The following SYNE2 variants were observed in gnomAD, a reference collection of about 807,000 sequenced individuals.
The protein encoded by SYNE2 is spectrin repeat containing nuclear envelope protein 2, also known as nesprin-2.
SYNE2 carries 431 observed loss-of-function variants against 856.3 expected under a neutral mutation model. The ratio of observed to expected loss-of-function variants is 0.50; its 90% CI spans 0.47 to 0.55. The LOEUF (loss-of-function observed/expected upper bound fraction) is 0.55, where lower values mean the gene tolerates loss of function less well. Ranked by LOEUF, SYNE2 falls within the 20% of genes least tolerant of loss-of-function variation. The pLI is 0.00. For missense variants in SYNE2, 8,129 were observed against 8,023.2 expected, an observed-to-expected ratio of 1.01 and a Z score of -0.50; for synonymous variants, 2,923 against 2,872.3, an observed-to-expected ratio of 1.02 and a Z score of -0.56.
At chr14:63,885,844 G>A (rs567182673) in intron 1 of SYNE2, among the ~76,000 whole-genome samples, 10 of 152,344 alleles carry the variant, frequency 6.6e-5, no homozygotes, top group Middle Eastern at 6.8e-3. Context: ...CTGTGTGCCA[G>A]GTTTTCGGTT....
Position 64,034,889 on chromosome 14 carries a change from G to A in SYNE2, c.7221+3532G>A, listed in dbSNP as rs148955632. 6.5e-4 allele frequency among the ~76,000 whole-genome samples: 99 copies of A among 151,288 alleles called. 1 individual carries two copies. Among genetic ancestry groups the A allele is most frequent in the African/African-American group, 2.2e-3 (91 of 41,188 alleles). ...ATTTTATGTGCCCATAAAGAGAAAC[G>A]ATAAAGAGGAAAAACAGGGAAACTC... On this transcript the variant is annotated intron_variant, in intron 45 of 115. Coordinates refer to ENST00000555002, the MANE Select transcript of SYNE2 (RefSeq NM_182914.3).
At chr14:63,855,390 A>G (rs1274340499) in intron 1 of SYNE2, among the ~76,000 whole-genome samples, 1 of 152,164 alleles carries the variant, frequency 6.6e-6, no homozygotes, top group Non-Finnish European at 1.5e-5. Flanking sequence ...TGGCTCCCAG[A>G]ACAACCTCTT....
In SYNE2 at chr14:64,070,607, A is replaced by C. The variant is rs79574442; in HGVS notation, c.10432-38A>C. On this transcript the variant is annotated intron_variant, in intron 51 of 115. Transcript: ENST00000555002. The stretch of plus-strand genomic sequence containing the variant: ...TTCAGGTCCTGAAATGTAATTGTAT[A>C]TTTTACTTATTTTAGTTCTTTTTGT... 47,293 of 1,565,032 alleles carry C rather than the reference A, an allele frequency of 0.03. 924 individuals are homozygous for C. The highest frequency in any genetic ancestry group is 0.08 in the Admixed American group (4,535 of 56,904).
intron 20 of SYNE2, 25 bp downstream of exon 20, chr14:63,990,594 A>G: frequency 6.2e-7 from 1 of 1,610,460 alleles, no homozygotes; most frequent in South Asian, 1.1e-5. Flanking sequence ...TTCCCTATTT[A>G]GTAATTCTGT....
At chr14:63,948,725 T>TAC in intron 6 of SYNE2, among the ~76,000 whole-genome samples, 1 of 90,064 alleles carries the variant, frequency 1.1e-5, no homozygotes, top group African/African-American at 3.3e-5. Flanking sequence ...TATGTGTGTA[T>TAC]ATATATGTGT....
chr14:63,927,630 A>G (rs921727987), intron 2 of SYNE2, among the ~76,000 whole-genome samples: 8 of 152,108 alleles, frequency 5.3e-5, no homozygotes, highest in African/African-American at 1.9e-4. Flanking sequence ...GCTGTGGCTC[A>G]TGCCTGTAAT....
At chr14:64,029,468 A>G (rs561377045) in intron 43 of SYNE2, among the ~76,000 whole-genome samples, 2 of 152,240 alleles carry the variant, frequency 1.3e-5, no homozygotes, top group South Asian at 2.1e-4. Context: ...TTCTTAAGAC[A>G]TGAATCTGAG....
At chr14:63,797,496 A>G (rs1043200340) in intron 1 of SYNE2, among the ~76,000 whole-genome samples, 7 of 152,126 alleles carry the variant, frequency 4.6e-5, no homozygotes, top group African/African-American at 1.7e-4. Flanking sequence ...CTTATCTATA[A>G]AAACAGATGC....
At chr14:64,173,136 A>G (rs1450526211) in intron 94 of SYNE2, among the ~76,000 whole-genome samples, 2 of 152,070 alleles carry the variant, frequency 1.3e-5, no homozygotes, top group Non-Finnish European at 2.9e-5. Context: ...TCTGTAGGAG[A>G]CGCAGTGCGT....
intron 59 of SYNE2, 23 bp from the exon 60 acceptor site, chr14:64,090,843 C>T: frequency 6.2e-7 from 1 of 1,603,886 alleles, no homozygotes; most frequent in Non-Finnish European, 8.5e-7. Flanking sequence ...ATTTCTGTAA[C>T]ATGCTCCTCT....
intron 18 of SYNE2, among the ~76,000 whole-genome samples, chr14:63,984,574 T>A (rs974021107): frequency 7.9e-5 from 12 of 152,330 alleles, no homozygotes; most frequent in Middle Eastern, 3.4e-3. Flanking sequence ...TTCCTTGTTT[T>A]GTTGGGTAAT....
intron 2 of SYNE2, among the ~76,000 whole-genome samples, chr14:63,934,078 C>T (rs369652630): frequency 3.3e-5 from 5 of 152,252 alleles, no homozygotes; most frequent in African/African-American, 1.2e-4. Context: ...TCTTTGTTTG[C>T]CATTAAGCAA....
At chr14:64,011,569 TG>T (rs1367600012) in intron 32 of SYNE2, among the ~76,000 whole-genome samples, 2 of 152,174 alleles carry the variant, frequency 1.3e-5, no homozygotes, top group Non-Finnish European at 2.9e-5. Context: ...TCAAAGTCTC[TG>T]CCTTATTCAA....
At chr14:64,220,330 C>A (rs892091302) in intron 110 of SYNE2, 107 bp from the exon 111 acceptor site, 2 of 1,237,358 alleles carry the variant, frequency 1.6e-6, no homozygotes, top group African/African-American at 1.5e-5. Flanking sequence ...TTTCTGTGGC[C>A]GCAGCTTGGA....
chr14:63,765,416 G>A (rs753418286), intron 1 of SYNE2, among the ~76,000 whole-genome samples: 5 of 152,040 alleles, frequency 3.3e-5, no homozygotes, highest in South Asian at 4.1e-4. Context: ...GCAGTGGTGC[G>A]ATCTCGGCTC....
At chr14:64,184,293 G>T (rs1160123810) in intron 96 of SYNE2, among the ~76,000 whole-genome samples, 4 of 151,026 alleles carry the variant, frequency 2.6e-5, no homozygotes, top group African/African-American at 9.8e-5. Context: ...GGAGCTAATG[G>T]TCCAGTCTGC....
At chr14:64,102,094 A>C in intron 64 of SYNE2, 52 bp downstream of exon 64, 1 of 1,283,684 alleles carries the variant, frequency 7.8e-7, no homozygotes, top group Non-Finnish European at 1.1e-6. Flanking sequence ...CCCAGGGGGG[A>C]GCAGGGATCT....
intron 32 of SYNE2, among the ~76,000 whole-genome samples, chr14:64,014,932 TATA>T (rs2096876749): frequency 9.5e-4 from 1 of 1,052 alleles, no homozygotes; most frequent in South Asian, 0.024. Context: ...TAATTCCTTA[TATA>T]TATATATATA....
chr14:64,181,354 A>G, intron 96 of SYNE2, among the ~76,000 whole-genome samples: 1 of 152,238 alleles, frequency 6.6e-6, no homozygotes, highest in South Asian at 2.1e-4. Context: ...AACAACGGAA[A>G]TAATTTGGAG....
Sources: allele counts gnomAD v4.1 joint callset (sites outside exome capture counted in the v4.1 genomes callset), GRCh38; gene constraint gnomAD v4.1.1; transcripts MANE v1.5; gene names NCBI Gene and HGNC (gene_info 2026-07-23, HGNC 2026-07-21).